The following TANK variants were observed in gnomAD, a reference collection of about 807,000 sequenced individuals.
The protein encoded by TANK is TRAF family member associated NFKB activator.
TANK carries 15 observed loss-of-function variants against 43.6 expected under a neutral mutation model. The ratio of observed to expected loss-of-function variants is 0.34; its 90% CI spans 0.23 to 0.53. TANK has a LOEUF of 0.53. Among genes scored for constraint, TANK ranks in the 20% least tolerant of loss-of-function variants. TANK has a pLI of 0.94. For synonymous variants in TANK, 162 were observed against 178.2 expected, an observed-to-expected ratio of 0.91 and a Z score of 0.73; for missense variants, 417 against 498.6, an observed-to-expected ratio of 0.84 and a Z score of 1.56.
At chr2:161,207,113 T>G (rs1439436839) in intron 4 of TANK, among the ~76,000 whole-genome samples, 1 of 152,130 alleles carries the variant, frequency 6.6e-6, no homozygotes, top group Non-Finnish European at 1.5e-5. Context: ...ATGGAAATCT[T>G]TTTAAAAATT....
chr2:161,229,992 T>C (rs1687827449), intron 6 of TANK, among the ~76,000 whole-genome samples: 1 of 152,240 alleles, frequency 6.6e-6, no homozygotes, highest in African/African-American at 2.4e-5. Flanking sequence ...TGTAGTGTTT[T>C]CTAAGTTCTT....
intron 1 of TANK, among the ~76,000 whole-genome samples, chr2:161,147,134 G>T (rs1243975182): frequency 6.6e-6 from 1 of 152,140 alleles, no homozygotes; most frequent in African/African-American, 2.4e-5. Flanking sequence ...TGGGGTGGGG[G>T]TGTGGGAGTT....
intron 7 of TANK, chr2:161,232,713 C>T: frequency 1.3e-6 from 2 of 1,544,674 alleles, no homozygotes. Context: ...TATTATATGT[C>T]TTGCTTGTTC....
At chr2:161,202,597 A>G (rs535173519) in intron 2 of TANK, among the ~76,000 whole-genome samples, 21 of 152,330 alleles carry the variant, frequency 1.4e-4, no homozygotes, top group African/African-American at 5.1e-4. Flanking sequence ...AATATCTAGT[A>G]TCTACTGAAG....
rs1193879476 is a variant in TANK at position 161,235,634 on chromosome 2, A to G, written c.*116A>G. 7.2e-6 allele frequency: 6 copies of G among 831,856 alleles called. No homozygotes were observed. The African/African-American group carries it at 1.1e-4, about 15-fold the overall frequency. The allele number at this position is 831,856 out of a possible 1,614,324, so 51.5% of individuals were successfully genotyped here. A position where few individuals can be genotyped will look rare whatever the true frequency, so the allele number is the denominator to read the frequency against. ...CATTTATAGGAAAATCTAGTTTCAC[A>G]GCTATTTGAATTTTTTTCTGGATTT... On this transcript the variant is annotated 3_prime_UTR_variant, in exon 8 of 8. Transcript: ENST00000392749.
intron 1 of TANK, among the ~76,000 whole-genome samples, chr2:161,167,570 T>TG (rs1198134536): frequency 6.6e-6 from 1 of 152,134 alleles, no homozygotes; most frequent in East Asian, 1.9e-4. Flanking sequence ...CAGGTTGCCT[T>TG]GGGGGGTTGC....
At chr2:161,232,977 G>A (rs1687994527) in intron 7 of TANK, 13 of 977,084 alleles carry the variant, frequency 1.3e-5, no homozygotes, top group African/African-American at 1.6e-5. Context: ...AGGATGGAAA[G>A]AATATTTCTT....
chr2:161,159,722 C>T (rs536344473), upstream of TANK, among the ~76,000 whole-genome samples: 3 of 152,276 alleles, frequency 2.0e-5, no homozygotes, highest in South Asian at 6.2e-4. Context: ...GAAAAGATAT[C>T]TTTCTTGCGG....
intron 2 of TANK, chr2:161,180,184 A>G (rs1288266301): frequency 9.3e-6 from 8 of 856,654 alleles, no homozygotes; most frequent in Non-Finnish European, 1.1e-5. Flanking sequence ...TAAGAACTAA[A>G]TTTGGTATTA....
At chr2:161,162,518 C>A (rs1684490668) in intron 1 of TANK, 1 of 151,994 alleles carries the variant, frequency 6.6e-6, no homozygotes, top group Non-Finnish European at 1.5e-5. Context: ...TTATCTCTTT[C>A]TTTCTTTGCT....
At position 161,147,843 on chromosome 2, in the gene TANK, A is replaced by G. The variant is rs138345827; in HGVS notation, c.-50+10780A>G. 2.6e-3 allele frequency among the ~76,000 whole-genome samples: 398 copies of G among 152,328 alleles called. 2 individuals are homozygous for G. The highest frequency in any genetic ancestry group is 8.3e-3 in the African/African-American group (347 of 41,562). On this transcript the variant is annotated intron_variant, in intron 1 of 7. Coordinates refer to the TANK transcript ENST00000259075. ...TTTCATCCATGTTGTAGCATGTATC[A>G]GTACTTCATTTCTTTTTGTGGCTGA...
At chr2:161,187,810 A>G (rs911360135) in intron 2 of TANK, among the ~76,000 whole-genome samples, 1 of 152,202 alleles carries the variant, frequency 6.6e-6, no homozygotes, top group African/African-American at 2.4e-5. Context: ...GGGAGAGGCC[A>G]TTAAAAATGA....
intron 1 of TANK, among the ~76,000 whole-genome samples, chr2:161,148,639 T>C (rs887729163): frequency 1.3e-5 from 2 of 152,210 alleles, no homozygotes; most frequent in Non-Finnish European, 2.9e-5. Flanking sequence ...AAGTGTGCTA[T>C]TATGGTTTTA....
At chr2:161,166,488 T>G (rs781271168) in intron 1 of TANK, among the ~76,000 whole-genome samples, 3 of 152,264 alleles carry the variant, frequency 2.0e-5, no homozygotes, top group Non-Finnish European at 4.4e-5. Context: ...TTTGAGTGTC[T>G]TTAAAGATCT....
At chr2:161,207,970 G>C (rs1370981860) in intron 4 of TANK, 6 of 890,842 alleles carry the variant, frequency 6.7e-6, no homozygotes, top group Non-Finnish European at 8.1e-6. Flanking sequence ...CCAATCAATT[G>C]GCCTAGCTTC....
At chr2:161,148,060 A>G (rs561106411) in intron 1 of TANK, among the ~76,000 whole-genome samples, 6 of 152,142 alleles carry the variant, frequency 3.9e-5, no homozygotes, top group Non-Finnish European at 8.8e-5. Flanking sequence ...TTCTGGGGTC[A>G]TTTGGTAATT....
intron 2 of TANK, chr2:161,200,319 A>G (rs1686345691): frequency 8.2e-6 from 8 of 981,450 alleles, no homozygotes; most frequent in African/African-American, 1.7e-5. Context: ...AAAAAATACT[A>G]TGACTGTGCA....
At chr2:161,225,138 A>G (rs1489748807) in intron 6 of TANK, among the ~76,000 whole-genome samples, 1 of 152,214 alleles carries the variant, frequency 6.6e-6, no homozygotes, top group Non-Finnish European at 1.5e-5. Context: ...ACCATATTAT[A>G]TGAGCTAAGT....
At chr2:161,202,807 G>C in intron 2 of TANK, 1 of 444,196 alleles carries the variant, frequency 2.3e-6, no homozygotes, top group Non-Finnish European at 4.6e-6. Context: ...AATGTTTGCA[G>C]CATCTGTATT....
Sources: allele counts gnomAD v4.1 joint callset (sites outside exome capture counted in the v4.1 genomes callset), GRCh38; gene constraint gnomAD v4.1.1; transcripts MANE v1.5; gene names NCBI Gene and HGNC (gene_info 2026-07-23, HGNC 2026-07-21).